The following CTNNA3 variants were observed in gnomAD, a reference collection of about 807,000 sequenced individuals.
CTNNA3 encodes catenin alpha 3.
In CTNNA3, 76 loss-of-function variants were observed where a neutral mutation model predicts 95.7. The ratio of observed to expected loss-of-function variants is 0.79; its 90% CI spans 0.66 to 0.96. The LOEUF is 0.96. CTNNA3 is among the 40% of genes least tolerant of loss of function. The probability of loss-of-function intolerance (pLI) is 0.00; values close to 1 mark genes in which losing one functional copy is unlikely to be tolerated. For missense variants in CTNNA3, 1,191 were observed against 1,089.8 expected (o/e 1.09, Z -1.31); for synonymous variants, 431 against 374.4 (o/e 1.15, Z -1.74).
At chr10:67,751,094 T>C in intron 1 of CTNNA3, 2 of 1,422,690 alleles carry the variant, frequency 1.4e-6, no homozygotes, top group Admixed American at 3.4e-5. Context: ...CACGCATTGT[T>C]GAGAACATTC....
At chr10:66,419,358 A>G (rs117004266) in intron 11 of CTNNA3, among the ~76,000 whole-genome samples, 186 of 152,240 alleles carry the variant, frequency 1.2e-3, no homozygotes, top group Non-Finnish European at 2.0e-3. Context: ...TCTACAAGGA[A>G]AACTATAAGA....
intron 17 of CTNNA3, among the ~76,000 whole-genome samples, chr10:65,962,745 C>T (rs529604858): frequency 6.7e-6 from 1 of 149,846 alleles, no homozygotes; most frequent in Admixed American, 6.7e-5. Flanking sequence ...AGTGATGTTC[C>T]CCTCCCTGTG....
chr10:65,949,973 C>G (rs1269280883), intron 17 of CTNNA3, among the ~76,000 whole-genome samples: 1 of 151,886 alleles, frequency 6.6e-6, no homozygotes, highest in Non-Finnish European at 1.5e-5. Flanking sequence ...AAGCCCCCCA[C>G]AACAAAGAAT....
intron 11 of CTNNA3, among the ~76,000 whole-genome samples, chr10:66,396,443 T>C (rs546894951): frequency 6.6e-6 from 1 of 152,134 alleles, no homozygotes; most frequent in South Asian, 2.1e-4. Flanking sequence ...TTTTCAAGGA[T>C]TAAAATGTTA....
intron 13 of CTNNA3, among the ~76,000 whole-genome samples, chr10:66,217,336 G>A (rs1337275672): frequency 7.2e-6 from 1 of 139,422 alleles, no homozygotes; most frequent in Non-Finnish European, 1.5e-5. Flanking sequence ...CTGGGCGACA[G>A]AGCGAGACTC....
At chr10:67,403,675 G>C (rs1589257448) in intron 5 of CTNNA3, among the ~76,000 whole-genome samples, 1 of 152,116 alleles carries the variant, frequency 6.6e-6, no homozygotes, top group Admixed American at 6.5e-5. Context: ...GGGGTGAAGG[G>C]AAGCCAAACA....
intron 13 of CTNNA3, among the ~76,000 whole-genome samples, chr10:66,208,254 C>T (rs1318326805): frequency 1.3e-5 from 2 of 152,042 alleles, no homozygotes; most frequent in Non-Finnish European, 2.9e-5. Context: ...TGTAGCTACT[C>T]AAACAAGGGA....
chr10:67,465,758 T>C (rs924151521), intron 5 of CTNNA3, among the ~76,000 whole-genome samples: 1 of 152,096 alleles, frequency 6.6e-6, no homozygotes, highest in African/African-American at 2.4e-5. Context: ...TGTTCTTTTA[T>C]TTGGAGAAGG....
At chr10:67,551,645 T>C (rs1344350354) in intron 3 of CTNNA3, among the ~76,000 whole-genome samples, 3 of 152,166 alleles carry the variant, frequency 2.0e-5, no homozygotes, top group African/African-American at 7.2e-5. Context: ...GACACTGTTG[T>C]GGGGTTGGAG....
intron 2 of CTNNA3, among the ~76,000 whole-genome samples, chr10:67,608,665 T>TG (rs908288456): frequency 6.6e-6 from 1 of 151,904 alleles, no homozygotes; most frequent in African/African-American, 2.4e-5. Context: ...TAATAAAGCT[T>TG]GGGGAAAAAA....
chr10:66,254,126 A>G (rs2090665567), intron 13 of CTNNA3, among the ~76,000 whole-genome samples: 1 of 152,172 alleles, frequency 6.6e-6, no homozygotes, highest in Non-Finnish European at 1.5e-5. Context: ...CTCCCAAGAC[A>G]GACAACACTA....
intron 3 of CTNNA3, among the ~76,000 whole-genome samples, chr10:67,601,536 G>A (rs1315845054): frequency 2.6e-5 from 4 of 152,110 alleles, no homozygotes; most frequent in African/African-American, 4.8e-5. Context: ...ACCGGTCCAC[G>A]ACCCAGGGTT....
intron 5 of CTNNA3, among the ~76,000 whole-genome samples, chr10:67,371,507 G>A (rs1843464270): frequency 1.3e-5 from 2 of 151,380 alleles, no homozygotes; most frequent in Non-Finnish European, 1.5e-5. Flanking sequence ...GCAATAGTTT[G>A]CTGAGAATGA....
intron 7 of CTNNA3, among the ~76,000 whole-genome samples, chr10:67,076,887 C>G (rs1856775933): frequency 6.6e-6 from 1 of 152,170 alleles, no homozygotes; most frequent in South Asian, 2.1e-4. Flanking sequence ...CTCTTGAGCT[C>G]TAGAATTGAA....
At chr10:66,007,039 A>T (rs527813715) in intron 15 of CTNNA3, among the ~76,000 whole-genome samples, 2 of 152,174 alleles carry the variant, frequency 1.3e-5, no homozygotes, top group African/African-American at 4.8e-5. Flanking sequence ...CCACCATTCT[A>T]GTCTAGTACA....
intron 9 of CTNNA3, among the ~76,000 whole-genome samples, chr10:66,641,755 A>G (rs1388257935): frequency 6.6e-6 from 1 of 152,128 alleles, no homozygotes; most frequent in Non-Finnish European, 1.5e-5. Flanking sequence ...CATGAGTCCA[A>G]GCAGTTGTAA....
rs116479334 is a variant in CTNNA3, at chr10:66,296,895, C to T, written c.1733-16274G>A. 9.4e-3 allele frequency among the ~76,000 whole-genome samples: 1,426 copies of T among 152,204 alleles called. 17 individuals carry two copies. Among genetic ancestry groups the T allele is most frequent in the African/African-American group, 0.032 (1,317 of 41,534 alleles). On this transcript the variant is annotated intron_variant, in intron 12 of 17. Transcript: ENST00000433211. ...GGGGCAATATTAAAAGATGGATGTG[C>T]TAAATACAAAGCAGATAAATAATCA...
At chr10:67,004,995 C>T (rs1457275594) in intron 7 of CTNNA3, among the ~76,000 whole-genome samples, 4 of 152,138 alleles carry the variant, frequency 2.6e-5, no homozygotes, top group South Asian at 2.1e-4. Flanking sequence ...ACTATTTACT[C>T]GCCAAACCCT....
intron 15 of CTNNA3, among the ~76,000 whole-genome samples, chr10:66,012,924 T>C (rs974480505): frequency 2.6e-5 from 4 of 152,280 alleles, no homozygotes; most frequent in East Asian, 1.9e-4. Flanking sequence ...CAGTGCATCA[T>C]ATATCAGCTC....
Sources: gnomAD v4.1 joint callset for allele counts (sites outside exome capture counted in the v4.1 genomes callset) on GRCh38, gnomAD v4.1.1 for gene constraint, MANE v1.5 for transcripts, NCBI Gene and HGNC (gene_info 2026-07-23, HGNC 2026-07-21) for gene names.